RPH3A: variants seen among roughly 807,000 people sequenced by gnomAD.
RPH3A encodes rabphilin 3A, also known as rabphilin-3A.
RPH3A carries 48 observed loss-of-function variants against 102.2 expected under a neutral mutation model. The ratio of observed to expected loss-of-function variants is 0.47; its 90% confidence interval spans 0.37 to 0.60. RPH3A has a LOEUF of 0.60. Among genes scored for constraint, RPH3A ranks in the 20% least tolerant of loss-of-function variants. The pLI is 0.00. For missense variants in RPH3A, 781 were observed against 910.1 expected, an observed-to-expected ratio of 0.86 and a Z score of 1.83; for synonymous variants, 310 against 324.3, an observed-to-expected ratio of 0.96 and a Z score of 0.47.
At chr12:112,870,076 G>C in intron 10 of RPH3A, 37 bp downstream of exon 10, 1 of 1,569,392 alleles carries the variant, frequency 6.4e-7, no homozygotes, top group Non-Finnish European at 8.6e-7. Flanking sequence ...CAGTTCTCTG[G>C]ATAGGGAGAC....
At chr12:112,759,939 G>A (rs1189304999) in intron 1 of RPH3A, among the ~76,000 whole-genome samples, 1 of 152,168 alleles carries the variant, frequency 6.6e-6, no homozygotes, top group Admixed American at 6.5e-5. Flanking sequence ...TCTATTTAAA[G>A]CAGCATATGT....
intron 1 of RPH3A, among the ~76,000 whole-genome samples, chr12:112,742,138 T>G (rs1355808384): frequency 6.6e-6 from 1 of 151,848 alleles, no homozygotes; most frequent in African/African-American, 2.4e-5. Flanking sequence ...CCTGGGAGAG[T>G]TGAAAGTCCA....
At chr12:112,636,972 G>A (rs952612069) in intron 1 of RPH3A, among the ~76,000 whole-genome samples, 1 of 152,148 alleles carries the variant, frequency 6.6e-6, no homozygotes, top group South Asian at 2.1e-4. Flanking sequence ...ATGGGGCTCA[G>A]CCTCCATCAG....
intron 1 of RPH3A, among the ~76,000 whole-genome samples, chr12:112,663,660 TA>T (rs900062644): frequency 1.3e-5 from 2 of 152,164 alleles, no homozygotes; most frequent in Admixed American, 6.6e-5. Context: ...CCTGGCCCCA[TA>T]AATTCTTATT....
chr12:112,768,980 C>A (rs1006140918), intron 1 of RPH3A, among the ~76,000 whole-genome samples: 9 of 152,130 alleles, frequency 5.9e-5, no homozygotes, highest in African/African-American at 2.2e-4. Context: ...ATTCACCTTC[C>A]CAGATTATTG....
intron 1 of RPH3A, among the ~76,000 whole-genome samples, chr12:112,747,206 G>C (rs1014848041): frequency 1.2e-4 from 18 of 152,186 alleles, no homozygotes; most frequent in Non-Finnish European, 2.4e-4. Context: ...TCAAGGTTAT[G>C]GTGTTAGGGT....
At chr12:112,669,052 G>A (rs112524968) in intron 1 of RPH3A, among the ~76,000 whole-genome samples, 1 of 152,254 alleles carries the variant, frequency 6.6e-6, no homozygotes, top group African/African-American at 2.4e-5. Context: ...CCACCAGACA[G>A]CAATACATCA....
At chr12:112,759,988 CGACCAGCCGGCCT>C (rs377415101) in intron 1 of RPH3A, among the ~76,000 whole-genome samples, 99 of 152,258 alleles carry the variant, frequency 6.5e-4, no homozygotes, top group African/African-American at 2.3e-3. Flanking sequence ...CCAGCCGGCC[CGACCAGCCGGCCT>C]GTCTGGGCAG....
At chr12:112,839,198 C>A (rs997442138) in intron 4 of RPH3A, among the ~76,000 whole-genome samples, 3 of 152,070 alleles carry the variant, frequency 2.0e-5, no homozygotes, top group African/African-American at 7.2e-5. Context: ...GGATAAAGAC[C>A]TTTAGTGGCT....
chr12:112,621,606 T>C (rs2135980745), intron 1 of RPH3A, among the ~76,000 whole-genome samples: 1 of 150,740 alleles, frequency 6.6e-6, no homozygotes. Flanking sequence ...GAGATCAAAC[T>C]GCAAGGCGGC....
At chr12:112,713,051 CCTT>C (rs397958107) in intron 1 of RPH3A, among the ~76,000 whole-genome samples, 11,565 of 85,334 alleles carry the variant, frequency 0.14, 713 homozygotes, top group Non-Finnish European at 0.17. Flanking sequence ...TTCTTCTTCT[CCTT>C]CTTCTTCTTC....
rs565428923 is a variant in RPH3A at position 112,808,754 on chromosome 12, G to A, written c.-19+16491G>A. ...AACTTACTAGAAATGCAAATTCTTG[G>A]GCTCTGTTCCAGACCTCCTGGATCA... On this transcript the variant is annotated intron_variant, in intron 2 of 21. Coordinates refer to ENST00000389385, the MANE Select transcript of RPH3A (RefSeq NM_001143854.2). Among the ~76,000 whole-genome samples the A allele has an allele frequency of 3.9e-5, 6 of 152,220 alleles. No homozygotes were observed. The East Asian group carries it at 9.6e-4, about 24-fold the overall frequency.
intron 1 of RPH3A, among the ~76,000 whole-genome samples, chr12:112,671,990 A>G (rs1029527357): frequency 1.3e-5 from 2 of 151,312 alleles, no homozygotes; most frequent in South Asian, 4.2e-4. Context: ...TATTTAGCTA[A>G]TGATTTTTTG....
At chr12:112,863,492 G>A (rs934504107) in intron 5 of RPH3A, among the ~76,000 whole-genome samples, 2 of 152,152 alleles carry the variant, frequency 1.3e-5, no homozygotes, top group African/African-American at 4.8e-5. Context: ...TAATTTTTTT[G>A]TATTTTTAGT....
chr12:112,814,022 G>A lies in RPH3A; in HGVS notation c.-18-14279G>A, dbSNP rs2041628087. On this transcript the variant is annotated intron_variant, in intron 2 of 21. Coordinates refer to ENST00000389385, the MANE Select transcript of RPH3A (RefSeq NM_001143854.2). ...GGTATGGTGGGTATGGAGTAAACTA[G>A]GATGTGGGAGTGGGGTGTGTGTGTG... 2.0e-5 allele frequency among the ~76,000 whole-genome samples: 3 copies of A among 151,298 alleles called. No homozygotes were observed. The South Asian group carries it at 6.3e-4, about 32-fold the overall frequency.
Position 112,713,070 on chromosome 12 carries a change from C to A in RPH3A, c.-139-79073C>A, listed in dbSNP as rs1468198937. On this transcript the variant is annotated intron_variant, in intron 1 of 21. Transcript: ENST00000543106. ...TCTTCTCCTTCTTCTTCTTCTTCTT[C>A]TTCTTCTTCTTCTTCTTCTTCTTCT... Among the ~76,000 whole-genome samples the A allele has an allele frequency of 2.2e-4, 28 of 128,754 alleles. 1 individual carries two copies. 84.5% of individuals were successfully genotyped at this position (128,754 alleles called of 152,430 possible).
chr12:112,725,837 C>A (rs1291909031), intron 1 of RPH3A, among the ~76,000 whole-genome samples: 1 of 151,204 alleles, frequency 6.6e-6, no homozygotes, highest in Non-Finnish European at 1.5e-5. Context: ...GCTCTGTTGC[C>A]CAGGCTGGAG....
At chr12:112,648,599 G>C (rs1348455776) in intron 1 of RPH3A, among the ~76,000 whole-genome samples, 1 of 13,878 alleles carries the variant, frequency 7.2e-5, no homozygotes, top group African/African-American at 3.6e-4. Flanking sequence ...AAAAAAAAAA[G>C]CTAGGTGTTG....
chr12:112,661,504 C>T (rs910573801), intron 1 of RPH3A, among the ~76,000 whole-genome samples: 16 of 152,282 alleles, frequency 1.1e-4, no homozygotes, highest in African/African-American at 3.8e-4. Context: ...GGTAAATGTG[C>T]ACCTGGGATT....
Sources: gnomAD v4.1 joint callset for allele counts (sites outside exome capture counted in the v4.1 genomes callset) on GRCh38, gnomAD v4.1.1 for gene constraint, MANE v1.5 for transcripts, NCBI Gene and HGNC (gene_info 2026-07-23, HGNC 2026-07-21) for gene names.